The following AGPS variants were observed in gnomAD, a reference collection of about 807,000 sequenced individuals.
AGPS encodes alkyldihydroxyacetonephosphate synthase, peroxisomal.
A neutral mutation model predicts 90.7 loss-of-function variants in AGPS; 26 were observed. That is an observed-to-expected ratio of 0.29 (90% CI 0.21 to 0.40). The LOEUF is 0.40. AGPS is among the 10% of genes least tolerant of loss of function. The probability of loss-of-function intolerance (pLI) is 1.00; values close to 1 mark genes in which losing one functional copy is unlikely to be tolerated. For synonymous variants in AGPS, 294 were observed against 285.3 expected, an observed-to-expected ratio of 1.03 and a Z score of -0.31; for missense variants, 540 against 816.1, an observed-to-expected ratio of 0.66 and a Z score of 4.12.
At chr2:177,458,245 CA>C (rs1687179048) in intron 8 of AGPS, among the ~76,000 whole-genome samples, 1 of 152,158 alleles carries the variant, frequency 6.6e-6, no homozygotes, top group Non-Finnish European at 1.5e-5. Flanking sequence ...ACCGAATGGG[CA>C]AAAGCTGGAA....
chr2:177,461,878 AT>A lies in AGPS; in HGVS notation c.871-10del. 2 of 1,606,442 alleles carry A rather than the reference AT, an allele frequency of 1.2e-6. No homozygotes were observed. On this transcript the variant is annotated splice_polypyrimidine_tract_variant and intron_variant, in intron 8 of 19. Coordinates refer to ENST00000264167, the MANE Select transcript of AGPS (RefSeq NM_003659.4). ...GACCATTTTCACTGTAAAATGTTAA[AT>A]TTTTGTTTTTCAGCTTAAAGAAAGT...
chr2:177,395,340 C>G (rs1051698231), intron 1 of AGPS, among the ~76,000 whole-genome samples: 1 of 152,132 alleles, frequency 6.6e-6, no homozygotes, highest in Non-Finnish European at 1.5e-5. Context: ...CTGAAGGCAT[C>G]GATAGTTCAG....
intron 8 of AGPS, among the ~76,000 whole-genome samples, chr2:177,461,506 T>A (rs1288601255): frequency 1.3e-5 from 2 of 152,128 alleles, no homozygotes; most frequent in Admixed American, 1.3e-4. Context: ...TTGAAAGTGT[T>A]TAGGTAAAGT....
chr2:177,530,626 C>G (rs2079129807), intron 19 of AGPS, among the ~76,000 whole-genome samples: 1 of 152,276 alleles, frequency 6.6e-6, no homozygotes, highest in Admixed American at 6.5e-5. Flanking sequence ...AATATTGATG[C>G]AATTTCTCTT....
intron 1 of AGPS, among the ~76,000 whole-genome samples, chr2:177,398,625 A>T (rs1006223695): frequency 6.6e-6 from 1 of 152,218 alleles, no homozygotes; most frequent in African/African-American, 2.4e-5. Flanking sequence ...TGTCATGCTA[A>T]GTTTCAAAGT....
At chr2:177,397,376 T>C (rs1685210212) in intron 1 of AGPS, among the ~76,000 whole-genome samples, 1 of 152,176 alleles carries the variant, frequency 6.6e-6, no homozygotes, top group South Asian at 2.1e-4. Context: ...TCTTTTGACT[T>C]TGCTTCTAAG....
chr2:177,514,666 A>G lies in AGPS; in HGVS notation c.1697+758A>G, dbSNP rs144910040. Among the ~76,000 whole-genome samples, 1,391 of 152,038 alleles carry G rather than the reference A, an allele frequency of 9.1e-3. 19 individuals carry two copies. The highest frequency in any genetic ancestry group is 0.031 in the African/African-American group (1,297 of 41,482). The stretch of plus-strand genomic sequence containing the variant: ...GTGTTTTTGTTTTTGTCTTTTTTCT[A>G]TCTTTTCTATTGTCTTATCTTGTAC... On this transcript the variant is annotated intron_variant, in intron 17 of 19. Transcript: ENST00000264167.
At chr2:177,452,047 A>G (rs1559052282) in intron 8 of AGPS, among the ~76,000 whole-genome samples, 2 of 152,286 alleles carry the variant, frequency 1.3e-5, no homozygotes, top group Middle Eastern at 3.4e-3. Flanking sequence ...CAGAAAACAT[A>G]CTTTATATGA....
chr2:177,437,148 T>A, intron 5 of AGPS, 94 bp downstream of exon 5: 1 of 1,163,066 alleles, frequency 8.6e-7, no homozygotes, highest in Non-Finnish European at 1.3e-6. Flanking sequence ...ATATGAGTTG[T>A]AAAAAATATA....
intron 19 of AGPS, among the ~76,000 whole-genome samples, chr2:177,528,975 C>T (rs2079113866): frequency 6.7e-6 from 1 of 150,356 alleles, no homozygotes; most frequent in Non-Finnish European, 1.5e-5. Flanking sequence ...CCTGCCTCAG[C>T]CTCCCGAGTA....
chr2:177,501,686 G>T (rs1320040450), intron 14 of AGPS, among the ~76,000 whole-genome samples: 1 of 152,000 alleles, frequency 6.6e-6, no homozygotes, highest in African/African-American at 2.4e-5. Context: ...TTTGTGTTTT[G>T]AGACGGAGTC....
chr2:177,496,502 C>T (rs1441718344), intron 12 of AGPS, among the ~76,000 whole-genome samples: 1 of 152,056 alleles, frequency 6.6e-6, no homozygotes, highest in Non-Finnish European at 1.5e-5. Flanking sequence ...AAAAAAATCC[C>T]CAAGCGTATC....
intron 1 of AGPS, among the ~76,000 whole-genome samples, chr2:177,400,631 A>G (rs1685306841): frequency 6.6e-6 from 1 of 152,120 alleles, no homozygotes; most frequent in South Asian, 2.1e-4. Context: ...CTGTTATATG[A>G]TTGCATATAA....
At chr2:177,489,934 T>C (rs975858308) in intron 11 of AGPS, among the ~76,000 whole-genome samples, 1 of 152,184 alleles carries the variant, frequency 6.6e-6, no homozygotes, top group African/African-American at 2.4e-5. Flanking sequence ...TTTCCCTCCT[T>C]TACAAAATCT....
intron 8 of AGPS, among the ~76,000 whole-genome samples, chr2:177,460,501 G>T (rs1213486011): frequency 6.6e-5 from 10 of 152,200 alleles, no homozygotes; most frequent in Admixed American, 5.9e-4. Flanking sequence ...ATTTGCTTCT[G>T]TATAATGTGA....
At chr2:177,523,065 A>G (rs895748145) in intron 18 of AGPS, among the ~76,000 whole-genome samples, 1 of 152,204 alleles carries the variant, frequency 6.6e-6, no homozygotes, top group African/African-American at 2.4e-5. Context: ...ATATTAGGGT[A>G]AAACGAGGTT....
At chr2:177,494,494 T>C (rs941344123) in intron 12 of AGPS, among the ~76,000 whole-genome samples, 24 of 152,136 alleles carry the variant, frequency 1.6e-4, no homozygotes, top group Admixed American at 1.1e-3. Context: ...AATAAGACTG[T>C]GTTATTCGTT....
At chr2:177,409,542 G>A (rs751647047) in intron 1 of AGPS, among the ~76,000 whole-genome samples, 6 of 152,014 alleles carry the variant, frequency 3.9e-5, no homozygotes, top group Non-Finnish European at 5.9e-5. Flanking sequence ...ATTCTTAGTC[G>A]GCTTAGGAAA....
At chr2:177,526,777 T>C (rs2079091765) in intron 19 of AGPS, among the ~76,000 whole-genome samples, 1 of 152,190 alleles carries the variant, frequency 6.6e-6, no homozygotes, top group Non-Finnish European at 1.5e-5. Context: ...GTAAATGCTA[T>C]AGATGCTGAA....
Sources: gnomAD v4.1 joint callset for allele counts (sites outside exome capture counted in the v4.1 genomes callset) on GRCh38, gnomAD v4.1.1 for gene constraint, MANE v1.5 for transcripts, NCBI Gene and HGNC (gene_info 2026-07-23, HGNC 2026-07-21) for gene names.